ANKRD36C: variants seen among roughly 807,000 people sequenced by gnomAD.
The protein encoded by ANKRD36C is ankyrin repeat domain 36C, also known as ankyrin repeat domain-containing protein 36C.
Under a neutral mutation model 276.4 loss-of-function variants are expected in ANKRD36C, and 61 were observed. The ratio of observed to expected loss-of-function variants is 0.22; its 90% CI spans 0.18 to 0.27. The LOEUF (loss-of-function observed/expected upper bound fraction) is 0.27. Ranked by LOEUF, ANKRD36C falls within the 10% of genes least tolerant of loss-of-function variation. The probability of loss-of-function intolerance (pLI) is 1.00; values close to 1 mark genes in which losing one functional copy is unlikely to be tolerated. For missense variants in ANKRD36C, 1,447 were observed against 2,032.3 expected, an observed-to-expected ratio of 0.71 and a Z score of 5.54; for synonymous variants, 483 against 680.1, an observed-to-expected ratio of 0.71 and a Z score of 4.51.
At chr2:95,978,852 C>T (rs946179053) in intron 5 of ANKRD36C, among the ~76,000 whole-genome samples, 5 of 151,898 alleles carry the variant, frequency 3.3e-5, no homozygotes, top group African/African-American at 7.3e-5. Context: ...ATAGGTAACA[C>T]GATTGTTAAC....
chr2:95,897,007 T>A (rs1313373867), intron 44 of ANKRD36C, among the ~76,000 whole-genome samples: 1 of 148,676 alleles, frequency 6.7e-6, no homozygotes, highest in East Asian at 2.0e-4. Context: ...ATTATGTTGT[T>A]CCCCAGAGCC....
chr2:95,973,582 A>G (rs1448936777), intron 6 of ANKRD36C, among the ~76,000 whole-genome samples: 2 of 152,218 alleles, frequency 1.3e-5, no homozygotes, highest in Non-Finnish European at 2.9e-5. Context: ...AAAACTAAAA[A>G]TATCTATTAA....
intron 4 of ANKRD36C, among the ~76,000 whole-genome samples, chr2:95,982,036 T>C (rs577938001): frequency 3.9e-5 from 6 of 152,328 alleles, no homozygotes; most frequent in Admixed American, 2.6e-4. Flanking sequence ...ATAATGTCTA[T>C]ATAGAGAGAT....
intron 44 of ANKRD36C, among the ~76,000 whole-genome samples, chr2:95,893,097 A>G (rs1367060590): frequency 6.6e-6 from 1 of 151,328 alleles, no homozygotes; most frequent in Non-Finnish European, 1.5e-5. Context: ...CCTTGGGAAA[A>G]TGATTGCTAC....
chr2:95,968,189 T>A (rs1678631120), intron 6 of ANKRD36C, among the ~76,000 whole-genome samples: 1 of 152,194 alleles, frequency 6.6e-6, no homozygotes, highest in African/African-American at 2.4e-5. Flanking sequence ...TCTCATGATT[T>A]GTTACAAAGC....
At chr2:95,975,710 G>A (rs930489074) in intron 6 of ANKRD36C, among the ~76,000 whole-genome samples, 1 of 152,170 alleles carries the variant, frequency 6.6e-6, no homozygotes, top group Non-Finnish European at 1.5e-5. Flanking sequence ...TCAGGACACA[G>A]GCATGGGCAA....
intron 60 of ANKRD36C, among the ~76,000 whole-genome samples, chr2:95,862,143 ATC>A (rs1244217802): frequency 4.6e-5 from 7 of 152,268 alleles, no homozygotes; most frequent in Admixed American, 2.0e-4. Context: ...TTTCTAGGTA[ATC>A]TGAGGTTTCA....
intron 22 of ANKRD36C, 113 bp from the exon 23 acceptor site, chr2:95,935,757 A>C (rs1032362595): frequency 1.7e-5 from 23 of 1,377,406 alleles, no homozygotes; most frequent in Non-Finnish European, 1.6e-5. Flanking sequence ...TACTTCTACC[A>C]ATGTGATCCT....
At chr2:95,929,390 T>C in intron 24 of ANKRD36C, 123 bp from the exon 25 acceptor site, 1 of 671,656 alleles carries the variant, frequency 1.5e-6, no homozygotes, top group East Asian at 2.7e-5. Context: ...CTGTAGGCTT[T>C]GATATTTTAT....
chr2:95,890,474 G>A (rs569422664), intron 46 of ANKRD36C, among the ~76,000 whole-genome samples: 4 of 151,534 alleles, frequency 2.6e-5, no homozygotes, highest in Admixed American at 1.3e-4. Flanking sequence ...TCAGTTGAAC[G>A]TACACTTCAC....
In ANKRD36C at chr2:95,891,587, C is replaced by G. The variant is rs1412025324; in HGVS notation, c.2857+78G>C. On this transcript the variant is annotated intron_variant, in intron 46 of 66. Coordinates refer to ENST00000456556, the Ensembl canonical transcript of ANKRD36C. ...TCAGAATGTGCAGCTTCAACGAACCCCCCGCTGATTTATTCAGGGAAGAGA... is the reference window on the plus strand; with the variant it reads ...TCAGAATGTGCAGCTTCAACGAACCGCCCGCTGATTTATTCAGGGAAGAGA... 3.4e-6 allele frequency: 5 copies of G among 1,474,066 alleles called. No individual in the cohort carries two copies. The African/African-American group carries it at 7.1e-5, about 21-fold the overall frequency. 91.3% of individuals were successfully genotyped at this position (1,474,066 alleles called of 1,614,324 possible). A position where few individuals can be genotyped will look rare whatever the true frequency, so the allele number is the denominator to read the frequency against.
chr2:95,910,976 A>G (rs1338257116), intron 42 of ANKRD36C, among the ~76,000 whole-genome samples: 1 of 151,448 alleles, frequency 6.6e-6, no homozygotes, highest in Non-Finnish European at 1.5e-5. Context: ...ACACCATTAT[A>G]CTACAAACAT....
chr2:95,891,563 C>G (rs947125611), intron 46 of ANKRD36C, 102 bp downstream of exon 66: 14 of 1,371,768 alleles, frequency 1.0e-5, no homozygotes, highest in African/African-American at 1.5e-5. Context: ...ACTGCTGTAT[C>G]AGAATGTGCA....
intron 32 of ANKRD36C, 97 bp downstream of exon 32, chr2:95,923,398 G>A: frequency 1.4e-6 from 2 of 1,453,876 alleles, no homozygotes; most frequent in African/African-American, 1.4e-5. Flanking sequence ...GAATCAGAAT[G>A]TGCAGCTTTG....
intron 56 of ANKRD36C, among the ~76,000 whole-genome samples, chr2:95,881,352 G>T (rs972616093): frequency 3.3e-5 from 5 of 152,244 alleles, no homozygotes; most frequent in African/African-American, 1.2e-4. Context: ...AAATGGAATT[G>T]CTCCAGGCAT....
chr2:95,969,685 T>C (rs1234493062), intron 6 of ANKRD36C, among the ~76,000 whole-genome samples: 3 of 152,182 alleles, frequency 2.0e-5, no homozygotes, highest in African/African-American at 2.4e-5. Context: ...AGAAGGTCAA[T>C]AGTAGCCTAA....
At chr2:95,937,802 A>G (rs538398972) in intron 22 of ANKRD36C, among the ~76,000 whole-genome samples, 9 of 152,314 alleles carry the variant, frequency 5.9e-5, no homozygotes, top group Admixed American at 3.9e-4. Context: ...ATACAGCTAT[A>G]CTATGGGTAT....
intron 6 of ANKRD36C, among the ~76,000 whole-genome samples, chr2:95,969,496 A>C (rs1180125544): frequency 5.3e-5 from 8 of 152,172 alleles, no homozygotes; most frequent in African/African-American, 1.9e-4. Context: ...GAGCCATTAC[A>C]TCCCAGTCTG....
intron 5 of ANKRD36C, among the ~76,000 whole-genome samples, chr2:95,978,929 A>G (rs532934610): frequency 3.2e-4 from 48 of 152,194 alleles, no homozygotes; most frequent in Non-Finnish European, 6.3e-4. Flanking sequence ...TTGGGCTACA[A>G]CTACTACTTC....
Sources: gnomAD v4.1 joint callset for allele counts (sites outside exome capture counted in the v4.1 genomes callset) on GRCh38, gnomAD v4.1.1 for gene constraint, MANE v1.5 for transcripts, NCBI Gene and HGNC (gene_info 2026-07-23, HGNC 2026-07-21) for gene names.